TMEM19: variants seen among roughly 807,000 people sequenced by gnomAD.
The protein encoded by TMEM19 is transmembrane protein 19.
In TMEM19, 21 loss-of-function variants were observed where a neutral mutation model predicts 33.6. The ratio of observed to expected loss-of-function variants is 0.62; its 90% confidence interval spans 0.44 to 0.90. The LOEUF is 0.90. Ranked by LOEUF, TMEM19 falls within the 40% of genes least tolerant of loss-of-function variation. The probability of loss-of-function intolerance (pLI) is 0.00; values close to 1 mark genes in which losing one functional copy is unlikely to be tolerated. For missense variants in TMEM19, 402 were observed against 401.8 expected (o/e 1.00, Z 0.00); for synonymous variants, 149 against 147.5 (o/e 1.01, Z -0.07).
At chr12:71,693,379 C>A (rs1881818366) in intron 2 of TMEM19, among the ~76,000 whole-genome samples, 1 of 151,882 alleles carries the variant, frequency 6.6e-6, no homozygotes, top group African/African-American at 2.4e-5. Context: ...CTGTTTGGAA[C>A]TTTTTGTTTC....
chr12:71,686,308 G>T lies in TMEM19; in HGVS notation c.-373G>T. ...GCCTACCCGGCCCGCGGGTGAGAAG[G>T]TTGCGACGGGAGGTGGGTGGAACTC... On this transcript the variant is annotated 5_prime_UTR_variant, in exon 1 of 6. Transcript: ENST00000266673. 4.0e-6 allele frequency: 1 copy of T among 249,640 alleles called. No homozygotes were observed. The highest frequency in any genetic ancestry group is 3.8e-5 in the South Asian group (1 of 25,990). 15.5% of individuals were successfully genotyped at this position (249,640 alleles called of 1,614,324 possible). A position where few individuals can be genotyped will look rare whatever the true frequency, so the allele number is the denominator to read the frequency against.
chr12:71,693,020 C>T (rs1281149185), intron 2 of TMEM19, among the ~76,000 whole-genome samples: 1 of 151,756 alleles, frequency 6.6e-6, no homozygotes, highest in Non-Finnish European at 1.5e-5. Context: ...CGTGGTGAAA[C>T]CTCGTCTCTA....
intron 2 of TMEM19, among the ~76,000 whole-genome samples, chr12:71,696,173 A>T (rs1337276360): frequency 6.6e-6 from 1 of 152,134 alleles, no homozygotes; most frequent in East Asian, 1.9e-4. Context: ...TTTTTAAATT[A>T]AGATAATTTT....
At position 71,701,014 on chromosome 12, in the gene TMEM19, A is replaced by T. The variant is rs767906382; in HGVS notation, c.*19A>T. On this transcript the variant is annotated 3_prime_UTR_variant, in exon 6 of 6. Coordinates refer to ENST00000266673, the MANE Select transcript of TMEM19 (RefSeq NM_018279.4). ...GGGGTGAACTTTATTTCATTTCCAC[A>T]GGTTGAAACTGGTGAGTCCAGCTAA... 4.4e-6 allele frequency: 7 copies of T among 1,591,260 alleles called. No homozygotes were observed. The highest frequency in any genetic ancestry group is 6.0e-6 in the Non-Finnish European group (7 of 1,168,516).
chr12:71,696,738 C>T (rs1881879681), intron 3 of TMEM19, among the ~76,000 whole-genome samples, 165 bp downstream of exon 3: 1 of 151,834 alleles, frequency 6.6e-6, no homozygotes, highest in South Asian at 2.1e-4. Flanking sequence ...GCTCCGCCTC[C>T]CGGGTTCACA....
chr12:71,688,451 G>A (rs755485990), intron 1 of TMEM19, among the ~76,000 whole-genome samples: 2 of 152,032 alleles, frequency 1.3e-5, no homozygotes, highest in Non-Finnish European at 2.9e-5. Context: ...GCTGGGTCTC[G>A]AACTCCTGAC....
At chr12:71,695,054 A>C (rs1962122838) in intron 2 of TMEM19, among the ~76,000 whole-genome samples, 1 of 152,196 alleles carries the variant, frequency 6.6e-6, no homozygotes, top group Non-Finnish European at 1.5e-5. Flanking sequence ...CCCTATTGTC[A>C]TATATATGAA....
At chr12:71,696,794 C>G (rs555619953) in intron 3 of TMEM19, among the ~76,000 whole-genome samples, 1 of 151,972 alleles carries the variant, frequency 6.6e-6, no homozygotes, top group Admixed American at 6.6e-5. Flanking sequence ...CTACAGGCGC[C>G]TGCAACCATG....
At chr12:71,692,493 T>C (rs1195195866) in intron 2 of TMEM19, among the ~76,000 whole-genome samples, 3 of 152,228 alleles carry the variant, frequency 2.0e-5, no homozygotes, top group Non-Finnish European at 2.9e-5. Flanking sequence ...TAATGAAGTA[T>C]TCTTATTGAA....
At chr12:71,690,866 A>G (rs1042550529) in intron 2 of TMEM19, among the ~76,000 whole-genome samples, 1 of 152,246 alleles carries the variant, frequency 6.6e-6, no homozygotes, top group African/African-American at 2.4e-5. Flanking sequence ...ACTAGAAAAT[A>G]GTAACGATAG....
In TMEM19 at chr12:71,689,739, T is replaced by A. The variant is rs745819734; in HGVS notation, c.244+35T>A. On this transcript the variant is annotated intron_variant, in intron 2 of 5. Transcript: ENST00000266673. ...TATTTTGAATGTTTACAGTAACTAC[T>A]AAGTGCTTGCTTATATAATTTAAAT... 9.3e-6 allele frequency: 13 copies of A among 1,400,848 alleles called. No homozygotes were observed. In the Admixed American group the frequency reaches 1.8e-4, roughly 20 times the overall value. 86.8% of individuals were successfully genotyped at this position (1,400,848 alleles called of 1,614,324 possible).
chr12:71,694,255 A>G (rs1881834022), intron 2 of TMEM19, among the ~76,000 whole-genome samples: 1 of 152,152 alleles, frequency 6.6e-6, no homozygotes, highest in Non-Finnish European at 1.5e-5. Flanking sequence ...GAATAAGGAG[A>G]GGGTCACATG....
At chr12:71,690,162 AT>A (rs906053652) in intron 2 of TMEM19, among the ~76,000 whole-genome samples, 11 of 150,460 alleles carry the variant, frequency 7.3e-5, no homozygotes, top group African/African-American at 9.8e-5. Context: ...TCTTTTAGCA[AT>A]TTTTTTTTTC....
chr12:71,703,187 C>CG lies in TMEM19; in HGVS notation c.*2192_*2193insG. 2.1e-5 allele frequency: 1 copy of CG among 47,196 alleles called. No homozygotes were observed. The highest frequency in any genetic ancestry group is 6.0e-4 in the South Asian group (1 of 1,676). 2.9% of individuals were successfully genotyped at this position (47,196 alleles called of 1,614,324 possible). ...GGGAGACTCCATCTAGACTCCATCTCAAAAAAAAAAAAAAAAAAAAAAAAA... is the reference window on the plus strand; with the variant it reads ...GGGAGACTCCATCTAGACTCCATCTCGAAAAAAAAAAAAAAAAAAAAAAAAA... On this transcript the variant is annotated 3_prime_UTR_variant, in exon 6 of 6. Transcript: ENST00000266673.
At chr12:71,692,065 C>T (rs2137593870) in intron 2 of TMEM19, among the ~76,000 whole-genome samples, 1 of 152,294 alleles carries the variant, frequency 6.6e-6, no homozygotes, top group Non-Finnish European at 1.5e-5. Flanking sequence ...TATGAAATAC[C>T]TCCAATAGTA....
rs1037114620 is a variant in TMEM19 at position 71,686,472 on chromosome 12, G to C, written c.-209G>C. 32 of 464,304 alleles carry C rather than the reference G, an allele frequency of 6.9e-5. No individual in the cohort carries two copies. The South Asian group carries it at 7.5e-4, about 11-fold the overall frequency. 28.8% of individuals were successfully genotyped at this position (464,304 alleles called of 1,614,324 possible). On this transcript the variant is annotated 5_prime_UTR_variant, in exon 1 of 6. Transcript: ENST00000266673. ...TTGCGCTCTGCTTTTGCGGTGAGGC[G>C]TTGACCACGCCCATATGAATTGGAG...
chr12:71,699,066 A>G lies in TMEM19; in HGVS notation c.804A>G (p.Gly268=). 6.2e-7 allele frequency: 1 copy of G among 1,614,186 alleles called. No individual in the cohort carries two copies. The highest frequency in any genetic ancestry group is 1.1e-5 in the South Asian group (1 of 91,086). ...IAFGGLAGLL[G]SIVDSYLGAT... ...TTGGTGGTTTAGCTGGATTACTAGGATCAATTGTGGACTCATACTTAGGGG... is the reference window on the plus strand; with the variant it reads ...TTGGTGGTTTAGCTGGATTACTAGGGTCAATTGTGGACTCATACTTAGGGG... Residue 268 remains glycine (G), a synonymous_variant, in exon 5 of 6, where the codon GGA becomes GGG. Transcript: ENST00000266673.
intron 2 of TMEM19, among the ~76,000 whole-genome samples, chr12:71,691,456 A>G (rs1881783199): frequency 6.6e-6 from 1 of 151,746 alleles, no homozygotes; most frequent in Non-Finnish European, 1.5e-5. Context: ...AATAACATGG[A>G]CTTATGCTTT....
In TMEM19 at chr12:71,701,299, A is replaced by G. The variant is rs1455887432; in HGVS notation, c.*304A>G. ...TTGAACTGAAAGTTCTTACATAATCAATGTCAAGTTTTGTCTTATTTTGTT... is the reference window on the plus strand; with the variant it reads ...TTGAACTGAAAGTTCTTACATAATCGATGTCAAGTTTTGTCTTATTTTGTT... On this transcript the variant is annotated 3_prime_UTR_variant, in exon 6 of 6. Transcript: ENST00000266673. The G allele has an allele frequency of 1.5e-5, 3 of 195,470 alleles. No homozygotes were observed. Among genetic ancestry groups the G allele is most frequent in the Non-Finnish European group, 3.1e-5 (3 of 96,872 alleles). The allele number at this position is 195,470 out of a possible 1,614,324, so 12.1% of individuals were successfully genotyped here.
Sources: allele counts gnomAD v4.1 joint callset (sites outside exome capture counted in the v4.1 genomes callset), GRCh38; gene constraint gnomAD v4.1.1; transcripts MANE v1.5; gene names NCBI Gene and HGNC (gene_info 2026-07-23, HGNC 2026-07-21).